KLHL32: variants seen among roughly 807,000 people sequenced by gnomAD.
The protein encoded by KLHL32 is kelch like family member 32, also known as kelch-like protein 32.
Under a neutral mutation model 64.8 loss-of-function variants are expected in KLHL32, and 35 were observed. The ratio of observed to expected loss-of-function variants is 0.54; its 90% CI spans 0.41 to 0.72. The LOEUF (loss-of-function observed/expected upper bound fraction) is 0.72. Ranked by LOEUF, KLHL32 falls within the 30% of genes least tolerant of loss-of-function variation. The pLI, the probability that KLHL32 is intolerant of heterozygous loss-of-function variation, is 0.00. For missense variants in KLHL32, 589 were observed against 768.5 expected, an observed-to-expected ratio of 0.77 and a Z score of 2.76; for synonymous variants, 259 against 281.0, an observed-to-expected ratio of 0.92 and a Z score of 0.78.
At chr6:96,911,054 G>T in the KLHL32 span, among the ~76,000 whole-genome samples, 1 of 152,032 alleles carries the variant, frequency 6.6e-6, no homozygotes, top group Admixed American at 6.6e-5. Flanking sequence ...TACACCTAAT[G>T]CTTTGATATT....
chr6:96,906,881 G>A, the KLHL32 span, among the ~76,000 whole-genome samples: 3 of 152,066 alleles, frequency 2.0e-5, no homozygotes, highest in South Asian at 6.2e-4. Context: ...CACAACCATG[G>A]GCACAGTAGC....
chr6:96,954,837 A>AT (rs1487245776), intron 1 of KLHL32, among the ~76,000 whole-genome samples: 3 of 152,132 alleles, frequency 2.0e-5, no homozygotes, highest in Non-Finnish European at 4.4e-5. Context: ...TTTTAAATAG[A>AT]TTTTTTTCTC....
intron 1 of KLHL32, among the ~76,000 whole-genome samples, chr6:96,961,729 C>A (rs1773903669): frequency 6.6e-6 from 1 of 152,138 alleles, no homozygotes; most frequent in Non-Finnish European, 1.5e-5. Flanking sequence ...ATTAGGGCTT[C>A]TGCACAAGGG....
At chr6:96,986,391 G>T (rs933948215) in intron 3 of KLHL32, among the ~76,000 whole-genome samples, 2 of 152,156 alleles carry the variant, frequency 1.3e-5, no homozygotes, top group South Asian at 4.1e-4. Flanking sequence ...CACTACTCTC[G>T]TCAAGGCTGT....
chr6:97,008,666 C>G (rs1487920983), intron 3 of KLHL32, among the ~76,000 whole-genome samples: 1 of 152,074 alleles, frequency 6.6e-6, no homozygotes, highest in Non-Finnish European at 1.5e-5. Context: ...TGAGAGCAGG[C>G]CATACCTTGG....
intron 3 of KLHL32, among the ~76,000 whole-genome samples, chr6:96,985,106 G>A (rs1776849976): frequency 6.6e-6 from 1 of 152,136 alleles, no homozygotes; most frequent in Non-Finnish European, 1.5e-5. Context: ...GTCTGTAACA[G>A]ATTTTATTTC....
At chr6:97,134,778 C>G (rs1799810594) in intron 10 of KLHL32, among the ~76,000 whole-genome samples, 1 of 152,096 alleles carries the variant, frequency 6.6e-6, no homozygotes, top group Non-Finnish European at 1.5e-5. Context: ...GATCAGAGTG[C>G]TGCCATAGTG....
chr6:96,978,219 G>A (rs1775922141), intron 3 of KLHL32, among the ~76,000 whole-genome samples: 1 of 152,016 alleles, frequency 6.6e-6, no homozygotes, highest in Non-Finnish European at 1.5e-5. Flanking sequence ...TGAGGGTTTG[G>A]TGTACAGATT....
intron 5 of KLHL32, among the ~76,000 whole-genome samples, chr6:97,065,039 G>A (rs1241757628): frequency 1.3e-5 from 2 of 152,160 alleles, no homozygotes; most frequent in East Asian, 3.9e-4. Flanking sequence ...GTCGCTAAAA[G>A]GAGTCCTAGT....
chr6:96,962,460 G>A (rs935807984), intron 1 of KLHL32, among the ~76,000 whole-genome samples: 1 of 152,124 alleles, frequency 6.6e-6, no homozygotes, highest in Non-Finnish European at 1.5e-5. Context: ...GCTTGGAGAC[G>A]GGGGTCTGAG....
At chr6:97,136,674 T>G (rs1295698107) in intron 10 of KLHL32, among the ~76,000 whole-genome samples, 1 of 152,226 alleles carries the variant, frequency 6.6e-6, no homozygotes, top group Non-Finnish European at 1.5e-5. Flanking sequence ...CTATTATTTT[T>G]TTTGGCTGGA....
At position 96,986,701 on chromosome 6, in the gene KLHL32, A is replaced by G. The variant is rs1213009037; in HGVS notation, c.204+10524A>G. 2.0e-5 allele frequency among the ~76,000 whole-genome samples: 3 copies of G among 152,160 alleles called. No homozygotes were observed. The East Asian group carries it at 5.8e-4, about 29-fold the overall frequency. ...ACGGGATATAATCTCCTGGTGTGCC[A>G]TTTGCTAAGACCGTTGGAAAAGCAC... On this transcript the variant is annotated intron_variant, in intron 3 of 10. Coordinates refer to ENST00000369261, the MANE Select transcript of KLHL32 (RefSeq NM_052904.4).
At chr6:97,022,628 C>A (rs761475604) in intron 3 of KLHL32, among the ~76,000 whole-genome samples, 1 of 150,814 alleles carries the variant, frequency 6.6e-6, no homozygotes, top group Non-Finnish European at 1.5e-5. Flanking sequence ...TGCCACCACA[C>A]CTGGCTAATT....
intron 2 of KLHL32, among the ~76,000 whole-genome samples, chr6:96,973,730 C>CGTTTTTTTTTTTTTTTTT (rs1775364641): frequency 8.5e-6 from 1 of 118,256 alleles, no homozygotes; most frequent in African/African-American, 3.3e-5. Context: ...TACAGATTGC[C>CGTTTTTTTTTTTTTTTTT]TTTTTTTTTT....
intron 10 of KLHL32, among the ~76,000 whole-genome samples, chr6:97,135,322 T>TTTTTTTC (rs373996278): frequency 8.9e-6 from 1 of 112,342 alleles, no homozygotes; most frequent in Non-Finnish European, 1.8e-5. Flanking sequence ...TTTTTTTTTT[T>TTTTTTTC]CCTGAGAGTG....
intron 7 of KLHL32, among the ~76,000 whole-genome samples, chr6:97,116,074 ACT>A (rs1230924631): frequency 6.6e-6 from 1 of 152,128 alleles, no homozygotes; most frequent in Non-Finnish European, 1.5e-5. Context: ...TTGGCAATTC[ACT>A]GAGTTTTATT....
At chr6:96,908,928 G>C in the KLHL32 span, among the ~76,000 whole-genome samples, 3 of 152,112 alleles carry the variant, frequency 2.0e-5, no homozygotes, top group Non-Finnish European at 4.4e-5. Context: ...GATATGCTTT[G>C]CTCTTTTGCT....
chr6:96,963,700 A>G (rs1774122053), intron 1 of KLHL32, among the ~76,000 whole-genome samples: 1 of 152,198 alleles, frequency 6.6e-6, no homozygotes, highest in Admixed American at 6.5e-5. Flanking sequence ...AAATTTTAAC[A>G]TGTTTTATTA....
chr6:97,113,229 T>C (rs950203649), intron 6 of KLHL32, among the ~76,000 whole-genome samples: 1 of 152,160 alleles, frequency 6.6e-6, no homozygotes, highest in Non-Finnish European at 1.5e-5. Context: ...TAAAGGGATG[T>C]GGGGTGGGAG....
Sources: gnomAD v4.1 joint callset for allele counts (sites outside exome capture counted in the v4.1 genomes callset) on GRCh38, gnomAD v4.1.1 for gene constraint, MANE v1.5 for transcripts, NCBI Gene and HGNC (gene_info 2026-07-23, HGNC 2026-07-21) for gene names.